PKN3: variants seen among roughly 807,000 people sequenced by gnomAD.
PKN3 encodes the protein serine/threonine-protein kinase N3.
A neutral mutation model predicts 113.1 loss-of-function variants in PKN3; 91 were observed. That is an observed-to-expected ratio of 0.80 (90% confidence interval 0.68 to 0.96). The LOEUF is 0.96. Ranked by LOEUF, PKN3 falls within the 40% of genes least tolerant of loss-of-function variation. The pLI is 0.00. For synonymous variants in PKN3, 467 were observed against 499.0 expected (o/e 0.94, Z 0.85); for missense variants, 1,052 against 1,202.2 (o/e 0.88, Z 1.85).
At chr9:128,713,952 T>C in intron 9 of PKN3, 94 bp from the exon 10 acceptor site, 2 of 1,305,422 alleles carry the variant, frequency 1.5e-6, no homozygotes, top group South Asian at 2.4e-5. Flanking sequence ...CTGTTGACCC[T>C]GGGGGCTTGG....
rs181564155 is a variant in PKN3, at chr9:128,715,476, G to A, written c.1808+16G>A. 43 of 1,591,366 alleles carry A rather than the reference G, an allele frequency of 2.7e-5. No homozygotes were observed. Among genetic ancestry groups the A allele is most frequent in the African/African-American group, 2.1e-4 (16 of 74,482 alleles). On this transcript the variant is annotated intron_variant, in intron 15 of 21. Transcript: ENST00000291906. The surrounding 1 kb of genome is among the most constrained non-coding windows in gnomAD (Gnocchi z 4.1). ...AGATAGAGAGGTGTGTGGGGGTGCC[G>A]CAGGGCACCCAGGATGGCTGGCCTG...
chr9:128,717,012 C>A (rs1862359433), intron 16 of PKN3, 89 bp downstream of exon 16: 1 of 1,109,614 alleles, frequency 9.0e-7, no homozygotes, highest in Non-Finnish European at 1.3e-6. Context: ...CTCCAAGTGC[C>A]CAACAGCAGG....
Position 128,716,812 on chromosome 9 carries a change from T to C in PKN3, c.1874T>C (p.Leu625Pro). Residue 625 changes from leucine (L) to proline (P), a missense_variant, in exon 16 of 22, where the codon CTC becomes CCC. Physicochemically the swap from Leu to Pro is moderately conservative, Grantham distance 98. This residue lies in a region of PKN3 where 333 missense variants were observed against 442.8 expected (regional missense o/e 0.75). Transcript: ENST00000291906. ...ACAGGGCACCCTTTCCTGCTCTCCC[T>C]CCTTGCCTGCTTCCAGACCTCCAGC... ...GCTGHPFLLS[L>P]LACFQTSSHA... is the part of the protein sequence containing the mutation. 1 of 1,614,078 alleles carries C rather than the reference T, an allele frequency of 6.2e-7. No homozygotes were observed. Among genetic ancestry groups the C allele is most frequent in the Non-Finnish European group, 8.5e-7 (1 of 1,179,982 alleles).
chr9:128,706,929 G>C lies in PKN3; in HGVS notation c.557G>C (p.Arg186Pro). ...PELLAEELQH[R>P]LHVEAAVAEG... ...CTGCTGGCGGAGGAGCTACAGCATC[G>C]ACTGCACGTTGAGGCAGCTGTGGCT... The change falls in exon 5 of 22, where the codon CGA (arginine) becomes CCA (proline). Residue 186 changes from arginine to proline, a missense_variant. Coordinates refer to ENST00000291906, the MANE Select transcript of PKN3 (RefSeq NM_013355.5). 6.2e-7 allele frequency: 1 copy of C among 1,614,166 alleles called. No homozygotes were observed. The highest frequency in any genetic ancestry group is 8.5e-7 in the Non-Finnish European group (1 of 1,180,038).
At chr9:128,718,117 G>A (rs1383460889) in intron 16 of PKN3, among the ~76,000 whole-genome samples, 1 of 151,936 alleles carries the variant, frequency 6.6e-6, no homozygotes, top group Non-Finnish European at 1.5e-5. Flanking sequence ...GCCCATGAAG[G>A]GTGAGCTGGA....
intron 6 of PKN3, among the ~76,000 whole-genome samples, chr9:128,710,534 C>T (rs1862146023): frequency 6.6e-6 from 1 of 152,142 alleles, no homozygotes; most frequent in Non-Finnish European, 1.5e-5. Flanking sequence ...CACTGTCGCC[C>T]AGACTGGAGT....
chr9:128,711,525 C>G lies in PKN3; in HGVS notation c.836-1527C>G, dbSNP rs1862175405. ...CGAGGTTTCACCATGGTCTTGATCT[C>G]CTGACCTCGTGATCTGCCCACCTCG... On this transcript the variant is annotated intron_variant, in intron 6 of 21. Transcript: ENST00000291906. 2.0e-5 allele frequency among the ~76,000 whole-genome samples: 3 copies of G among 151,636 alleles called. No homozygotes were observed. The South Asian group carries it at 6.2e-4, about 32-fold the overall frequency.
In PKN3 at chr9:128,714,193, C is replaced by G. The variant is rs748970214; in HGVS notation, c.1313-4C>G. 4.2e-5 allele frequency: 67 copies of G among 1,613,874 alleles called. No homozygotes were observed. The highest frequency in any genetic ancestry group is 5.0e-5 in the Admixed American group (3 of 59,984). On this transcript the variant is annotated splice_polypyrimidine_tract_variant and splice_region_variant and intron_variant, in intron 10 of 21. Coordinates refer to ENST00000291906, the MANE Select transcript of PKN3 (RefSeq NM_013355.5). ...CCGGGACTAAGCTCCCCCTTTTCTC[C>G]CAGGCCAGGACTTCCTGAGGGCTTC... is the stretch of plus-strand genomic sequence containing the variant.
chr9:128,702,935 G>A lies in PKN3; in HGVS notation c.20G>A (p.Arg7Gln). The change falls in exon 1 of 22, where the codon CGG becomes CAG. Residue 7 changes from arginine to glutamine, a missense_variant. Coordinates refer to ENST00000291906, the MANE Select transcript of PKN3 (RefSeq NM_013355.5). The part of the protein sequence containing the change: MEEGAP[R>Q]QPGPSQWPPE... ...GGCGCCATGGAGGAGGGGGCGCCGC[G>A]GCAGGTGAACGGCGTGGGAGGGGCG... 1 of 1,458,602 alleles carries A rather than the reference G, an allele frequency of 6.9e-7. No homozygotes were observed. Among genetic ancestry groups the A allele is most frequent in the Non-Finnish European group, 9.0e-7 (1 of 1,112,872 alleles). 90.4% of individuals were successfully genotyped at this position (1,458,602 alleles called of 1,614,324 possible).
At chr9:128,705,957 A>T in intron 3 of PKN3, 78 bp downstream of exon 3, 1 of 1,397,126 alleles carries the variant, frequency 7.2e-7, no homozygotes, top group South Asian at 1.4e-5. Flanking sequence ...CATTGGGCTC[A>T]TAAGGAGACA....
chr9:128,713,432 G>A, intron 8 of PKN3, 45 bp downstream of exon 8: 1 of 1,612,048 alleles, frequency 6.2e-7, no homozygotes, highest in Non-Finnish European at 8.5e-7. Flanking sequence ...TGGGCTGCGG[G>A]GTGGAAGGCT....
At chr9:128,712,812 G>A (rs1265876763) in intron 6 of PKN3, among the ~76,000 whole-genome samples, 1 of 152,120 alleles carries the variant, frequency 6.6e-6, no homozygotes, top group Non-Finnish European at 1.5e-5. Flanking sequence ...GGGTCCAAGG[G>A]TACCCTTTGG....
rs752533632 is a variant in PKN3, at chr9:128,707,267, C to A, written c.697C>A (p.Arg233Ser). The change falls in exon 6 of 22, where the codon CGC (arginine) becomes AGC (serine). Residue 233 changes from arginine (R) to serine (S), a missense_variant. By Grantham distance (110) the Arg-to-Ser change is moderately radical. Transcript: ENST00000291906. ...GTCCTCTCAGAAACTGGACCTCCTG[C>A]GCCTGGCCTTGGAGCAGCTGCTGGA... ...QESSQKLDLL[R>S]LALEQLLEQL... 7 of 1,612,656 alleles carry A rather than the reference C, an allele frequency of 4.3e-6. No homozygotes were observed. The highest frequency in any genetic ancestry group is 5.9e-6 in the Non-Finnish European group (7 of 1,179,116).
At chr9:128,703,282 C>T in intron 1 of PKN3, 1 of 813,772 alleles carries the variant, frequency 1.2e-6, no homozygotes, top group Non-Finnish European at 1.5e-6. Context: ...GCTCCAAGGC[C>T]GACGGGAATT....
At chr9:128,705,251 C>T (rs1861973168) in intron 1 of PKN3, 52 bp from the exon 2 acceptor site, 1 of 1,544,800 alleles carries the variant, frequency 6.5e-7, no homozygotes, top group African/African-American at 1.4e-5. Context: ...CTGCTGGTGG[C>T]CGCTGCACCC....
intron 6 of PKN3, among the ~76,000 whole-genome samples, chr9:128,711,017 G>T (rs1862158488): frequency 1.3e-5 from 2 of 151,384 alleles, no homozygotes; most frequent in South Asian, 4.2e-4. Flanking sequence ...TTATTGCCCA[G>T]GCTGGAGTGC....
rs770763996 is a variant in PKN3 at position 128,718,308 on chromosome 9, C to G, written c.1986-17C>G. ...TGTGTGTCTTGGGCCTGAGTTCTCC[C>G]ATAACCACCCCTGCAGCTTCTACGT... is the stretch of plus-strand genomic sequence containing the variant. On this transcript the variant is annotated splice_polypyrimidine_tract_variant and intron_variant, in intron 16 of 21. Transcript: ENST00000291906. 1 of 1,612,480 alleles carries G rather than the reference C, an allele frequency of 6.2e-7. No individual in the cohort carries two copies. Among genetic ancestry groups the G allele is most frequent in the Non-Finnish European group, 8.5e-7 (1 of 1,178,686 alleles).
chr9:128,717,023 G>A lies in PKN3; in HGVS notation c.1985+100G>A, dbSNP rs926324377. 4.2e-6 allele frequency: 4 copies of A among 950,848 alleles called. No individual in the cohort carries two copies. The East Asian group carries it at 9.7e-5, about 23-fold the overall frequency. The allele number at this position is 950,848 out of a possible 1,614,324, so 58.9% of individuals were successfully genotyped here. ...CTTTCTCCAAGTGCCCAACAGCAGG[G>A]GAGCAGGAGTCAGAGGCCTTGGTTT... On this transcript the variant is annotated intron_variant, in intron 16 of 21. Coordinates refer to ENST00000291906, the MANE Select transcript of PKN3 (RefSeq NM_013355.5).
intron 16 of PKN3, among the ~76,000 whole-genome samples, chr9:128,717,851 C>A (rs866571812): frequency 8.6e-6 from 1 of 116,578 alleles, no homozygotes. Flanking sequence ...AACCCTATCT[C>A]TATAAAAACT....
Sources: allele counts gnomAD v4.1 joint callset (sites outside exome capture counted in the v4.1 genomes callset), GRCh38; gene constraint gnomAD v4.1.1; regional missense constraint gnomAD v4.1.1; non-coding constraint Gnocchi (gnomAD v3.1); transcripts MANE v1.5; gene names NCBI Gene and HGNC (gene_info 2026-07-23, HGNC 2026-07-21).